Variants in LRBA observed in about 807,000 individuals in gnomAD.
LRBA encodes the protein lipopolysaccharide-responsive and beige-like anchor protein.
LRBA carries 176 observed loss-of-function variants against 330.0 expected under a neutral mutation model. That is an observed-to-expected ratio of 0.53 (90% CI 0.47 to 0.60). The LOEUF is 0.60. Among genes scored for constraint, LRBA ranks in the 20% least tolerant of loss-of-function variants. The pLI is 0.00. For synonymous variants in LRBA, 1,230 were observed against 1,193.0 expected (o/e 1.03, Z -0.64); for missense variants, 3,259 against 3,444.8 (o/e 0.95, Z 1.35).
At chr4:150,379,262 C>T (rs1376444258) in intron 47 of LRBA, among the ~76,000 whole-genome samples, 1 of 130,842 alleles carries the variant, frequency 7.6e-6, no homozygotes, top group Admixed American at 8.8e-5. Flanking sequence ...GAGATCACGC[C>T]ATCGCACTCC....
At chr4:150,732,056 G>A (rs1730529272) in intron 36 of LRBA, among the ~76,000 whole-genome samples, 1 of 151,834 alleles carries the variant, frequency 6.6e-6, no homozygotes, top group Admixed American at 6.6e-5. Context: ...AACTAAAATG[G>A]CTTGGTGGAA....
At chr4:150,616,997 A>G (rs1258982001) in intron 37 of LRBA, among the ~76,000 whole-genome samples, 3 of 152,202 alleles carry the variant, frequency 2.0e-5, no homozygotes, top group Admixed American at 6.5e-5. Flanking sequence ...CAGTTCATTA[A>G]CCTGCAAAGG....
At chr4:150,284,964 T>C (rs79777094) in intron 54 of LRBA, among the ~76,000 whole-genome samples, 1,771 of 152,346 alleles carry the variant, frequency 0.012, 30 homozygotes, top group African/African-American at 0.04. Flanking sequence ...CTGTAATATA[T>C]AATAGGTTCA....
chr4:150,751,059 C>T (rs1733467839), intron 35 of LRBA, among the ~76,000 whole-genome samples: 1 of 152,056 alleles, frequency 6.6e-6, no homozygotes, highest in African/African-American at 2.4e-5. Context: ...ACCAAATATT[C>T]TCAAGCATCT....
intron 52 of LRBA, among the ~76,000 whole-genome samples, chr4:150,308,455 T>C (rs902654671): frequency 5.3e-5 from 8 of 152,226 alleles, no homozygotes; most frequent in African/African-American, 9.6e-5. Flanking sequence ...AATAAATAAC[T>C]CTGTTACTGG....
In LRBA at chr4:151,011,112, A is replaced by G. The variant is rs545485046; in HGVS notation, c.216+3315T>C. 1.5e-4 allele frequency among the ~76,000 whole-genome samples: 23 copies of G among 149,742 alleles called. No homozygotes were observed. In the East Asian group the frequency reaches 4.5e-3, roughly 29 times the overall value. On this transcript the variant is annotated intron_variant, in intron 2 of 56. Transcript: ENST00000651943. ...TGACGCCGGAGAATGGCATGAACCC[A>G]GGAGGCGGAGCTTGCAGTGAGCTGA...
At chr4:150,314,295 T>A (rs925078272) in intron 51 of LRBA, among the ~76,000 whole-genome samples, 1 of 152,146 alleles carries the variant, frequency 6.6e-6, no homozygotes, top group African/African-American at 2.4e-5. Flanking sequence ...TTTTAATATA[T>A]GGCAAATCAT....
intron 17 of LRBA, among the ~76,000 whole-genome samples, chr4:150,876,524 AC>A (rs1754044657): frequency 1.3e-5 from 2 of 152,286 alleles, no homozygotes; most frequent in South Asian, 4.1e-4. Context: ...CTTGGCAGAA[AC>A]CACACAAGCC....
chr4:150,633,511 T>C (rs1777582754), intron 37 of LRBA, among the ~76,000 whole-genome samples: 1 of 152,204 alleles, frequency 6.6e-6, no homozygotes. Context: ...ATTAATGACC[T>C]TCCCCACAAT....
intron 31 of LRBA, among the ~76,000 whole-genome samples, chr4:150,811,592 T>C (rs536271589): frequency 6.6e-6 from 1 of 152,298 alleles, no homozygotes; most frequent in East Asian, 1.9e-4. Context: ...AGCCCTGAGT[T>C]CCTGGACTCA....
chr4:150,603,810 T>C (rs983042306), intron 37 of LRBA, among the ~76,000 whole-genome samples: 2 of 152,158 alleles, frequency 1.3e-5, no homozygotes, highest in Admixed American at 1.3e-4. Context: ...GGCAATGCCA[T>C]TTTAATACAT....
chr4:150,404,634 G>A (rs550306464), intron 47 of LRBA, among the ~76,000 whole-genome samples: 1 of 152,116 alleles, frequency 6.6e-6, no homozygotes, highest in Admixed American at 6.5e-5. Context: ...CTATATCACT[G>A]AGGCTGAAGT....
At chr4:150,503,152 G>T (rs112087902) in intron 40 of LRBA, among the ~76,000 whole-genome samples, 1 of 152,148 alleles carries the variant, frequency 6.6e-6, no homozygotes, top group Admixed American at 6.5e-5. Flanking sequence ...CAAAATGACA[G>T]CAGTAACCTC....
intron 46 of LRBA, chr4:150,423,553 C>T: frequency 2.5e-6 from 1 of 406,378 alleles, no homozygotes; most frequent in Non-Finnish European, 4.6e-6. Flanking sequence ...GGCTATACTT[C>T]TTACTGTTGC....
At chr4:150,354,120 CAG>C (rs1737516337) in intron 47 of LRBA, among the ~76,000 whole-genome samples, 3 of 152,040 alleles carry the variant, frequency 2.0e-5, no homozygotes, top group Admixed American at 2.0e-4. Context: ...AAAATACAAA[CAG>C]AATGTAATTC....
chr4:150,697,600 C>T (rs1223092045), intron 36 of LRBA, among the ~76,000 whole-genome samples: 2 of 151,580 alleles, frequency 1.3e-5, no homozygotes, highest in Non-Finnish European at 2.9e-5. Context: ...TACCAATTAC[C>T]TTCATAAAGG....
chr4:150,435,022 T>C (rs992843561), intron 46 of LRBA, among the ~76,000 whole-genome samples: 1 of 151,596 alleles, frequency 6.6e-6, no homozygotes, highest in African/African-American at 2.4e-5. Context: ...AAGGAGAGAT[T>C]CTGATAGAGG....
chr4:150,997,299 T>C (rs1407048578), intron 2 of LRBA, among the ~76,000 whole-genome samples: 2 of 152,202 alleles, frequency 1.3e-5, no homozygotes, highest in Non-Finnish European at 2.9e-5. Flanking sequence ...TCCCTACAAA[T>C]AGAAATGACT....
chr4:150,411,240 C>G (rs1208024071), intron 47 of LRBA, among the ~76,000 whole-genome samples: 1 of 152,076 alleles, frequency 6.6e-6, no homozygotes, highest in African/African-American at 2.4e-5. Context: ...ATCCACTTAG[C>G]CAGTTTTCCA....
Sources: gnomAD v4.1 joint callset for allele counts (sites outside exome capture counted in the v4.1 genomes callset) on GRCh38, gnomAD v4.1.1 for gene constraint, MANE v1.5 for transcripts, NCBI Gene and HGNC (gene_info 2026-07-23, HGNC 2026-07-21) for gene names.